The following POGLUT1 variants were observed in gnomAD, a reference collection of about 807,000 sequenced individuals.
POGLUT1 encodes the protein protein O-glucosyltransferase 1, also known as 9630046K23Rik.
A neutral mutation model predicts 61.3 loss-of-function variants in POGLUT1; 32 were observed. The observed-to-expected ratio is 0.52, with a 90% CI of 0.39 to 0.70. The LOEUF (loss-of-function observed/expected upper bound fraction) is 0.70. Ranked by LOEUF, POGLUT1 falls within the 30% of genes least tolerant of loss-of-function variation. The pLI, the probability that POGLUT1 is intolerant of heterozygous loss-of-function variation, is 0.00. For missense variants in POGLUT1, 411 were observed against 469.8 expected, an observed-to-expected ratio of 0.87 and a Z score of 1.16; for synonymous variants, 158 against 158.2, an observed-to-expected ratio of 1.00 and a Z score of 0.01.
At chr3:119,476,339 CTAGT>C (rs1160803424) in intron 3 of POGLUT1, among the ~76,000 whole-genome samples, 1 of 152,034 alleles carries the variant, frequency 6.6e-6, no homozygotes, top group Non-Finnish European at 1.5e-5. Flanking sequence ...AAATTGGTAT[CTAGT>C]TTCATTGACA....
At chr3:119,470,202 G>C (rs546311553) in intron 2 of POGLUT1, among the ~76,000 whole-genome samples, 12 of 152,122 alleles carry the variant, frequency 7.9e-5, no homozygotes, top group Non-Finnish European at 1.6e-4. Flanking sequence ...CTGTCAGTGC[G>C]TGCTCGATAA....
intron 5 of POGLUT1, 57 bp downstream of exon 5, chr3:119,480,229 C>T: frequency 7.5e-7 from 1 of 1,330,962 alleles, no homozygotes; most frequent in Non-Finnish European, 1.0e-6. Context: ...TGAAATAAGC[C>T]ATAGAATATA....
chr3:119,492,049 C>T (rs1344918582), intron 10 of POGLUT1, among the ~76,000 whole-genome samples: 1 of 120,040 alleles, frequency 8.3e-6, no homozygotes, highest in Non-Finnish European at 1.8e-5. Context: ...AGCGAAACTC[C>T]GTCTCAAAAA....
chr3:119,480,607 A>G (rs2081594955), intron 5 of POGLUT1, among the ~76,000 whole-genome samples: 1 of 152,198 alleles, frequency 6.6e-6, no homozygotes, highest in African/African-American at 2.4e-5. Context: ...ACTGTAGTGT[A>G]AACAATTTTG....
chr3:119,473,378 A>G (rs754065065), intron 3 of POGLUT1, among the ~76,000 whole-genome samples: 2 of 152,292 alleles, frequency 1.3e-5, no homozygotes, highest in Middle Eastern at 3.4e-3. Flanking sequence ...GAAAGGCACA[A>G]TTCTCTTCTT....
chr3:119,492,316 G>T lies in POGLUT1; in HGVS notation c.1057G>T (p.Asp353Tyr). Residue 353 changes from aspartate to tyrosine, a missense_variant, in exon 11 of 11, where the codon GAT becomes TAT. Coordinates refer to ENST00000295588, the MANE Select transcript of POGLUT1 (RefSeq NM_152305.3). ...GTTTATTAGGAACCATTTGCAGATG[G>T]ATGACATCACCTGTTACTGGGAGAA... is the stretch of plus-strand genomic sequence containing the variant. ...SQFIRNHLQM[D>Y]DITCYWENLL... 6.2e-7 allele frequency: 1 copy of T among 1,609,484 alleles called. No individual in the cohort carries two copies. Among genetic ancestry groups the T allele is most frequent in the Non-Finnish European group, 8.5e-7 (1 of 1,177,702 alleles).
Position 119,471,400 on chromosome 3 carries a change from C to A in POGLUT1, c.268C>A (p.Gln90Lys). The change falls in exon 3 of 11, where the codon CAG becomes AAG. Residue 90 changes from glutamine to lysine, a missense_variant. Physicochemically the swap from Gln to Lys is moderately conservative, Grantham distance 53. Transcript: ENST00000295588. ...VVRRKLGTHY[Q>K]ITKNRLYREN... ...CAGACGGAAGCTAGGGACCCACTAT[C>A]AGATCACTAAGAACAGACTGTACCG... 6.2e-7 allele frequency: 1 copy of A among 1,613,982 alleles called. No individual in the cohort carries two copies. Among genetic ancestry groups the A allele is most frequent in the Admixed American group, 1.7e-5 (1 of 60,026 alleles).
intron 1 of POGLUT1, chr3:119,469,325 A>C: frequency 1.7e-6 from 1 of 585,760 alleles, no homozygotes; most frequent in Non-Finnish European, 3.0e-6. Flanking sequence ...GGAATTCAGA[A>C]TGACAGGGAG....
At chr3:119,470,764 T>G (rs546643442) in intron 2 of POGLUT1, among the ~76,000 whole-genome samples, 1 of 152,340 alleles carries the variant, frequency 6.6e-6, no homozygotes, top group East Asian at 1.9e-4. Flanking sequence ...TTTATGTTAT[T>G]TTTGACTCCT....
chr3:119,474,180 CCCA>C (rs1236750250), intron 3 of POGLUT1, among the ~76,000 whole-genome samples: 2 of 151,826 alleles, frequency 1.3e-5, no homozygotes, highest in Non-Finnish European at 2.9e-5. Flanking sequence ...TGTAAATGTT[CCCA>C]CAACAAAAAA....
intron 4 of POGLUT1, chr3:119,478,409 C>T (rs1202736366): frequency 8.8e-6 from 4 of 456,706 alleles, no homozygotes; most frequent in African/African-American, 6.0e-5. Context: ...AGCCTCATTT[C>T]TCGAAAGTGT....
At chr3:119,490,458 A>T (rs922217403) in intron 8 of POGLUT1, 93 bp from the exon 9 acceptor site, 1 of 1,054,620 alleles carries the variant, frequency 9.5e-7, no homozygotes, top group Admixed American at 1.9e-5. Flanking sequence ...GGAATCATAA[A>T]AGGAAAGAAG....
intron 5 of POGLUT1, among the ~76,000 whole-genome samples, chr3:119,483,174 A>C (rs1163504064): frequency 6.6e-6 from 1 of 152,244 alleles, no homozygotes; most frequent in South Asian, 2.1e-4. Context: ...CATGTCTAGA[A>C]TGTATCCTAA....
chr3:119,469,312 C>A, intron 1 of POGLUT1: 1 of 590,694 alleles, frequency 1.7e-6, no homozygotes, highest in Non-Finnish European at 3.0e-6. Context: ...TAACCCATTC[C>A]CCGGAATTCA....
At position 119,477,432 on chromosome 3, in the gene POGLUT1, T is replaced by C; in HGVS notation, c.440T>C (p.Val147Ala). ...AAATGGATGGAGCCTGCCATCCCAG[T>C]CTTCTCCTTCAGTAAGGTAAGTACA... ...VPKWMEPAIP[V>A]FSFSKTSEYH... The change falls in exon 4 of 11, where the codon GTC (valine) becomes GCC (alanine). Residue 147 changes from valine (V) to alanine (A), a missense_variant. Coordinates refer to ENST00000295588, the MANE Select transcript of POGLUT1 (RefSeq NM_152305.3). The C allele has an allele frequency of 1.2e-6, 2 of 1,614,154 alleles. No individual in the cohort carries two copies. Among genetic ancestry groups the C allele is most frequent in the Non-Finnish European group, 1.7e-6 (2 of 1,179,990 alleles).
rs1047644819 is a variant in POGLUT1, at chr3:119,488,944, C to T, written c.754C>T (p.Pro252Ser). The change falls in exon 8 of 11, where the codon CCA becomes TCA. Residue 252 changes from proline (P) to serine (S), a missense_variant. Transcript: ENST00000295588. ...CCACTTAAAGGATACCTTAGGAAAG[C>T]CAGCTGCTAAGGATGTCCATCTTGT... ...WKSMKDTLGKPAAKDVHLVDH... is the reference protein window; with the variant it reads ...WKSMKDTLGKSAAKDVHLVDH... 4.4e-6 allele frequency: 7 copies of T among 1,589,856 alleles called. No individual in the cohort carries two copies. Among genetic ancestry groups the T allele is most frequent in the Non-Finnish European group, 6.0e-6 (7 of 1,159,958 alleles).
rs569636942 is a variant in POGLUT1 at position 119,475,408 on chromosome 3, G to A, written c.321-1905G>A. Among the ~76,000 whole-genome samples the A allele has an allele frequency of 5.9e-5, 9 of 152,282 alleles. No individual in the cohort carries two copies. The South Asian group carries it at 6.2e-4, about 11-fold the overall frequency. ...CACATCACTTTGCTTTTTGGATAACGCAAGCAATGCTGCAGTGAACATCCT... is the reference window on the plus strand; with the variant it reads ...CACATCACTTTGCTTTTTGGATAACACAAGCAATGCTGCAGTGAACATCCT... On this transcript the variant is annotated intron_variant, in intron 3 of 10. Transcript: ENST00000295588.
In POGLUT1 at chr3:119,479,779, A is replaced by G. The variant is rs971985195; in HGVS notation, c.457-272A>G. The G allele has an allele frequency of 1.6e-5, 8 of 505,268 alleles. No individual in the cohort carries two copies. In the Admixed American group the frequency reaches 2.1e-4, roughly 13 times the overall value. 31.3% of individuals were successfully genotyped at this position (505,268 alleles called of 1,614,324 possible). ...TCCTTAAATTGGAAATCTTAACAGT[A>G]TATATCCTCTAGAAAAACAGAATTT... On this transcript the variant is annotated intron_variant, in intron 4 of 10. Coordinates refer to ENST00000295588, the MANE Select transcript of POGLUT1 (RefSeq NM_152305.3).
chr3:119,486,965 AG>A, intron 7 of POGLUT1, 33 bp downstream of exon 7: 1 of 1,338,032 alleles, frequency 7.5e-7, no homozygotes, highest in Non-Finnish European at 1.1e-6. Flanking sequence ...GAACTACAGC[AG>A]TGAACATTCT....
Sources: gnomAD v4.1 joint callset for allele counts (sites outside exome capture counted in the v4.1 genomes callset) on GRCh38, gnomAD v4.1.1 for gene constraint, MANE v1.5 for transcripts, NCBI Gene and HGNC (gene_info 2026-07-23, HGNC 2026-07-21) for gene names.